The following OTOGL variants were observed in gnomAD, a reference collection of about 807,000 sequenced individuals.
OTOGL encodes the protein otogelin-like protein.
Under a neutral mutation model 318.5 loss-of-function variants are expected in OTOGL, and 285 were observed. The observed-to-expected ratio is 0.89, with a 90% confidence interval of 0.81 to 0.99. The LOEUF (loss-of-function observed/expected upper bound fraction) is 0.99. Among genes scored for constraint, OTOGL ranks in the 50% least tolerant of loss-of-function variants. OTOGL has a pLI of 0.00. For missense variants in OTOGL, 2,899 were observed against 2,845.6 expected, an observed-to-expected ratio of 1.02 and a Z score of -0.43; for synonymous variants, 987 against 936.5, an observed-to-expected ratio of 1.05 and a Z score of -0.99.
chr12:80,124,356 G>A (rs529250763), intron 1 of OTOGL, among the ~76,000 whole-genome samples: 5 of 152,222 alleles, frequency 3.3e-5, no homozygotes, highest in South Asian at 4.1e-4. Context: ...GTAGATATGC[G>A]GTATTAATTC....
At position 80,279,039 on chromosome 12, in the gene OTOGL, G is replaced by A. The variant is rs779558696; in HGVS notation, c.2801G>A (p.Arg934Gln). The change falls in exon 26 of 59, where the codon CGA becomes CAA. Residue 934 changes from arginine (R) to glutamine (Q), a missense_variant. Physicochemically the swap from Arg to Gln is conservative, Grantham distance 43 (BLOSUM62 1). Transcript: ENST00000547103. ...ATPCYTCVCR[R>Q]GMFNCTYYPC... ...TTATTTTTTAATAGCGTTTGTCGAC[G>A]AGGAATGTTCAATTGCACATATTAT... is the stretch of plus-strand genomic sequence containing the variant. 24 of 1,591,636 alleles carry A rather than the reference G, an allele frequency of 1.5e-5. No homozygotes were observed. The highest frequency in any genetic ancestry group is 1.1e-4 in the East Asian group (5 of 44,700).
At chr12:80,321,932 C>T (rs1271904620) in intron 34 of OTOGL, among the ~76,000 whole-genome samples, 1 of 152,138 alleles carries the variant, frequency 6.6e-6, no homozygotes, top group Non-Finnish European at 1.5e-5. Flanking sequence ...TGAATCTTGT[C>T]TGCACATGCT....
chr12:80,302,508 A>T (rs1038316034), intron 27 of OTOGL, 126 bp from the exon 28 acceptor site: 1 of 577,184 alleles, frequency 1.7e-6, no homozygotes, highest in African/African-American at 1.9e-5. Context: ...GAATTCAGAA[A>T]AGGCATGACC....
At position 80,166,112 on chromosome 12, in the gene OTOGL, C is replaced by T. The variant is rs375314485; in HGVS notation, c.-19-43301C>T. ...GTTTGCAAGATGCTTTTTATTGTTG[C>T]TATTTGTCTTCTCTGAGATATTAAA... On this transcript the variant is annotated intron_variant, in intron 1 of 58. Transcript: ENST00000547103. Among the ~76,000 whole-genome samples the T allele has an allele frequency of 2.1e-3, 312 of 151,930 alleles. 9 individuals are homozygous for T. The South Asian group carries it at 0.064, about 31-fold the overall frequency.
At position 80,319,763 on chromosome 12, in the gene OTOGL, G is replaced by A. The variant is rs557066328; in HGVS notation, c.3803-659G>A. ...CTCAATTTAAAAACTTTTATTTCAT[G>A]AGTTTTACAAATATAAGGTAAATGT... On this transcript the variant is annotated intron_variant, in intron 33 of 58. Transcript: ENST00000547103. Among the ~76,000 whole-genome samples, 11 of 152,202 alleles carry A rather than the reference G, an allele frequency of 7.2e-5. No individual in the cohort carries two copies. In the South Asian group the frequency reaches 2.3e-3, roughly 32 times the overall value.
intron 1 of OTOGL, among the ~76,000 whole-genome samples, chr12:80,143,816 A>C (rs1421002456): frequency 6.6e-6 from 1 of 152,130 alleles, no homozygotes; most frequent in African/African-American, 2.4e-5. Context: ...GTCAGTCACT[A>C]TTTTATTTAT....
chr12:80,229,659 T>C (rs1451380952), intron 8 of OTOGL, among the ~76,000 whole-genome samples: 1 of 152,102 alleles, frequency 6.6e-6, no homozygotes, highest in Non-Finnish European at 1.5e-5. Flanking sequence ...TTTTTTTTTT[T>C]CTGAGAGATT....
intron 52 of OTOGL, among the ~76,000 whole-genome samples, chr12:80,363,272 T>C (rs563534243): frequency 6.6e-6 from 1 of 152,308 alleles, no homozygotes; most frequent in East Asian, 1.9e-4. Context: ...AGGAGCTCTG[T>C]GCAAATTTTA....
intron 29 of OTOGL, among the ~76,000 whole-genome samples, chr12:80,309,822 GA>G (rs1379128532): frequency 6.6e-6 from 1 of 152,172 alleles, no homozygotes; most frequent in Non-Finnish European, 1.5e-5. Flanking sequence ...TATTTAGGTG[GA>G]AATGTTAGTT....
chr12:80,266,436 C>CGA lies in OTOGL; in HGVS notation c.2225-15_2225-14insGA. 1 of 1,612,360 alleles carries CGA rather than the reference C, an allele frequency of 6.2e-7. No homozygotes were observed. The highest frequency in any genetic ancestry group is 8.5e-7 in the Non-Finnish European group (1 of 1,178,954). ...CCATGGCAATCTTTCTCAAGTGATA[C>CGA]TTCTTTGTCCTTAGCTGTGGTGTGC... On this transcript the variant is annotated splice_polypyrimidine_tract_variant and intron_variant, in intron 20 of 58. Transcript: ENST00000547103.
chr12:80,171,764 C>A (rs543566322), intron 1 of OTOGL, among the ~76,000 whole-genome samples: 40 of 152,226 alleles, frequency 2.6e-4, no homozygotes, highest in African/African-American at 9.1e-4. Flanking sequence ...GATTTGTTAA[C>A]AATATTCAGT....
At chr12:80,113,808 G>A (rs1159149616) in intron 1 of OTOGL, among the ~76,000 whole-genome samples, 1 of 152,032 alleles carries the variant, frequency 6.6e-6, no homozygotes, top group Non-Finnish European at 1.5e-5. Context: ...TCCTGTATTG[G>A]GTGCATATAT....
At chr12:80,297,002 T>C (rs1236417472) in intron 27 of OTOGL, 41 bp downstream of exon 27, 1 of 1,419,240 alleles carries the variant, frequency 7.0e-7, no homozygotes, top group East Asian at 2.5e-5. Context: ...GAACTTGTCC[T>C]GAGGATACTG....
intron 48 of OTOGL, 143 bp downstream of exon 48, chr12:80,356,663 A>G (rs1199972021): frequency 2.9e-6 from 2 of 695,458 alleles, no homozygotes; most frequent in Non-Finnish European, 4.4e-6. Flanking sequence ...TAAACCTGGT[A>G]TATATCTTTC....
intron 26 of OTOGL, among the ~76,000 whole-genome samples, chr12:80,290,178 G>A (rs2137675837): frequency 6.6e-6 from 1 of 152,238 alleles, no homozygotes; most frequent in South Asian, 2.1e-4. Context: ...CGTGGGTGAG[G>A]TGACACCCCG....
intron 53 of OTOGL, among the ~76,000 whole-genome samples, 181 bp from the exon 54 acceptor site, chr12:80,367,380 T>C (rs917464013): frequency 6.6e-6 from 1 of 152,080 alleles, no homozygotes; most frequent in African/African-American, 2.4e-5. Flanking sequence ...TGTTAAGGAA[T>C]AGTGTACTAC....
chr12:80,125,499 C>T (rs533892795), intron 1 of OTOGL, among the ~76,000 whole-genome samples: 149 of 152,206 alleles, frequency 9.8e-4, no homozygotes, highest in African/African-American at 3.4e-3. Flanking sequence ...CTAAAATTCT[C>T]TTTTTTGATT....
At chr12:80,201,586 G>A (rs1233018622) in intron 1 of OTOGL, among the ~76,000 whole-genome samples, 1 of 152,032 alleles carries the variant, frequency 6.6e-6, no homozygotes, top group Admixed American at 6.6e-5. Context: ...ATTTTGGAGG[G>A]GACAAACATC....
Position 80,358,262 on chromosome 12 carries a change from A to T in OTOGL, c.6034A>T (p.Thr2012Ser). Residue 2012 changes from threonine to serine, a missense_variant, in exon 50 of 59, where the codon ACC becomes TCC. Around this residue, in one of 3 missense-constraint regions of OTOGL, gnomAD observed 2,607 missense variants for 2,524.9 expected, o/e 1.03. Coordinates refer to ENST00000547103, the MANE Select transcript of OTOGL (RefSeq NM_001378609.3). ...FSPFCVCESC[T>S]KPVPLCHDGE... is the part of the protein sequence containing the mutation. ...TTTTACCTTAGTTTGTGAATCTTGC[A>T]CCAAACCTGTTCCACTATGTCATGA... 6.2e-7 allele frequency: 1 copy of T among 1,611,048 alleles called. No homozygotes were observed. Among genetic ancestry groups the T allele is most frequent in the Non-Finnish European group, 8.5e-7 (1 of 1,178,046 alleles).
Sources: gnomAD v4.1 joint callset for allele counts (sites outside exome capture counted in the v4.1 genomes callset) on GRCh38, gnomAD v4.1.1 for gene constraint, gnomAD v4.1.1 regional missense constraint, MANE v1.5 for transcripts, NCBI Gene and HGNC (gene_info 2026-07-23, HGNC 2026-07-21) for gene names.